The following CCDC91 variants were observed in gnomAD, a reference collection of about 807,000 sequenced individuals.
CCDC91 encodes coiled-coil domain containing 91.
CCDC91 carries 48 observed loss-of-function variants against 63.2 expected under a neutral mutation model. The ratio of observed to expected loss-of-function variants is 0.76; its 90% CI spans 0.60 to 0.97. The LOEUF (loss-of-function observed/expected upper bound fraction) is 0.97, where lower values mean the gene tolerates loss of function less well. Ranked by LOEUF, CCDC91 falls within the 50% of genes least tolerant of loss-of-function variation. The probability of loss-of-function intolerance (pLI) is 0.00; values close to 1 mark genes in which losing one functional copy is unlikely to be tolerated. For missense variants in CCDC91, 500 were observed against 494.6 expected (o/e 1.01, Z -0.10); for synonymous variants, 167 against 165.8 (o/e 1.01, Z -0.06).
At chr12:28,473,999 C>T (rs1027658662) in intron 11 of CCDC91, among the ~76,000 whole-genome samples, 21 of 132,078 alleles carry the variant, frequency 1.6e-4, no homozygotes, top group African/African-American at 5.0e-4. Flanking sequence ...TGTGTGTGCA[C>T]GTGTGTAAGA....
chr12:28,419,490 T>C (rs1207443771), intron 8 of CCDC91, among the ~76,000 whole-genome samples: 1 of 152,206 alleles, frequency 6.6e-6, no homozygotes, highest in Non-Finnish European at 1.5e-5. Context: ...AATCTTTTTT[T>C]GTCAATCTAA....
chr12:28,495,175 C>T (rs1388943595), intron 12 of CCDC91, among the ~76,000 whole-genome samples: 1 of 151,644 alleles, frequency 6.6e-6, no homozygotes, highest in Non-Finnish European at 1.5e-5. Context: ...CAGTCTCTAT[C>T]TGTGATATTA....
At chr12:28,322,581 A>G (rs1238136378) in intron 6 of CCDC91, among the ~76,000 whole-genome samples, 2 of 151,696 alleles carry the variant, frequency 1.3e-5, no homozygotes, top group African/African-American at 4.8e-5. Context: ...ATGTGTCTCA[A>G]TATACCTTCT....
chr12:28,423,094 A>C (rs1948108332), intron 8 of CCDC91, among the ~76,000 whole-genome samples: 1 of 152,100 alleles, frequency 6.6e-6, no homozygotes, highest in African/African-American at 2.4e-5. Flanking sequence ...GTTGTGCACC[A>C]AGCTGATGCC....
Position 28,201,604 on chromosome 12 carries a change from C to T in CCDC91, c.-15+10963C>T, listed in dbSNP as rs539460789. ...GGCGATGGGCGGCCAGGCAGAGACG[C>T]TCCTCACTTCCCAGACGGGGTGGCG... On this transcript the variant is annotated intron_variant, in intron 1 of 12. Transcript: ENST00000536442. Among the ~76,000 whole-genome samples, 3 of 146,776 alleles carry T rather than the reference C, an allele frequency of 2.0e-5. No individual in the cohort carries two copies. In the East Asian group the frequency reaches 5.8e-4, roughly 29 times the overall value.
intron 6 of CCDC91, among the ~76,000 whole-genome samples, chr12:28,310,768 AT>A (rs1409574185): frequency 6.6e-6 from 1 of 151,934 alleles, no homozygotes; most frequent in African/African-American, 2.4e-5. Context: ...CAGTTCTAAA[AT>A]TTCCATTTGG....
At chr12:28,414,089 GTGT>G (rs1222137202) in intron 8 of CCDC91, among the ~76,000 whole-genome samples, 2 of 152,134 alleles carry the variant, frequency 1.3e-5, no homozygotes, top group Non-Finnish European at 2.9e-5. Flanking sequence ...AAACTTATGT[GTGT>G]TAATTTACTA....
At chr12:28,415,767 A>C (rs1433741118) in intron 8 of CCDC91, among the ~76,000 whole-genome samples, 1 of 152,026 alleles carries the variant, frequency 6.6e-6, no homozygotes, top group East Asian at 1.9e-4. Context: ...TTGTGAACTT[A>C]TATAGTGGTT....
chr12:28,345,412 T>C (rs1489197190), intron 6 of CCDC91, among the ~76,000 whole-genome samples: 1 of 152,102 alleles, frequency 6.6e-6, no homozygotes, highest in Non-Finnish European at 1.5e-5. Context: ...GTTCCCTATA[T>C]TGAACATTTA....
intron 6 of CCDC91, among the ~76,000 whole-genome samples, chr12:28,334,635 T>C (rs2137772558): frequency 6.6e-6 from 1 of 152,304 alleles, no homozygotes; most frequent in South Asian, 2.1e-4. Context: ...AAATTTTGGA[T>C]ACTTTTATTT....
At chr12:28,364,171 A>T (rs1944114322) in intron 7 of CCDC91, among the ~76,000 whole-genome samples, 1 of 152,116 alleles carries the variant, frequency 6.6e-6, no homozygotes, top group Non-Finnish European at 1.5e-5. Flanking sequence ...GGATCACCTG[A>T]GGTCGGGGGT....
intron 1 of CCDC91, among the ~76,000 whole-genome samples, chr12:28,232,156 G>GT (rs1037392762): frequency 1.3e-5 from 2 of 151,822 alleles, no homozygotes; most frequent in Non-Finnish European, 2.9e-5. Flanking sequence ...TGGGTTTTCT[G>GT]TTTTTTTATT....
At chr12:28,448,540 C>T (rs1406239254) in intron 8 of CCDC91, among the ~76,000 whole-genome samples, 4 of 152,108 alleles carry the variant, frequency 2.6e-5, no homozygotes, top group Non-Finnish European at 4.4e-5. Context: ...ATCACATTGT[C>T]ATTTTAGCTA....
At chr12:28,525,505 G>T (rs889459652) in intron 12 of CCDC91, among the ~76,000 whole-genome samples, 6 of 152,226 alleles carry the variant, frequency 3.9e-5, no homozygotes, top group African/African-American at 1.4e-4. Flanking sequence ...ATTGAGGCTT[G>T]TTTTGTGGCC....
intron 12 of CCDC91, among the ~76,000 whole-genome samples, chr12:28,492,774 A>T (rs1952080164): frequency 6.6e-6 from 1 of 151,668 alleles, no homozygotes; most frequent in Admixed American, 6.6e-5. Flanking sequence ...TTAACTATAA[A>T]ACTATGTTGT....
chr12:28,236,155 A>G (rs1164053758), intron 1 of CCDC91: 1 of 152,046 alleles, frequency 6.6e-6, no homozygotes, highest in Non-Finnish European at 1.5e-5. Context: ...TATTTTATTT[A>G]ATTGATATCA....
At chr12:28,428,805 A>G (rs1275447955) in intron 8 of CCDC91, among the ~76,000 whole-genome samples, 2 of 152,058 alleles carry the variant, frequency 1.3e-5, no homozygotes. Context: ...TACTTATCAA[A>G]TCTGCATTTC....
chr12:28,374,896 T>C (rs1014668936), intron 7 of CCDC91, among the ~76,000 whole-genome samples: 4 of 152,110 alleles, frequency 2.6e-5, no homozygotes, highest in African/African-American at 7.2e-5. Flanking sequence ...CTAAAGTTAT[T>C]ATGTTCTATT....
chr12:28,217,705 C>G (rs571895361), intron 1 of CCDC91, among the ~76,000 whole-genome samples: 1 of 151,836 alleles, frequency 6.6e-6, no homozygotes, highest in Non-Finnish European at 1.5e-5. Flanking sequence ...GAAGGCGACC[C>G]TAGGCAGGCT....
Sources: gnomAD v4.1 joint callset for allele counts (sites outside exome capture counted in the v4.1 genomes callset) on GRCh38, gnomAD v4.1.1 for gene constraint, MANE v1.5 for transcripts, NCBI Gene and HGNC (gene_info 2026-07-23, HGNC 2026-07-21) for gene names.